Variants in DTX2 observed in about 807,000 individuals in gnomAD.
DTX2 encodes the protein deltex E3 ubiquitin ligase 2, also known as probable E3 ubiquitin-protein ligase DTX2.
In DTX2, 29 loss-of-function variants were observed where a neutral mutation model predicts 55.3. The observed-to-expected ratio is 0.52, with a 90% CI of 0.39 to 0.71. DTX2 has a LOEUF of 0.71. Ranked by LOEUF, DTX2 falls within the 30% of genes least tolerant of loss-of-function variation. The probability of loss-of-function intolerance (pLI) is 0.00; values close to 1 mark genes in which losing one functional copy is unlikely to be tolerated. For missense variants in DTX2, 537 were observed against 822.5 expected, an observed-to-expected ratio of 0.65 and a Z score of 4.25; for synonymous variants, 276 against 340.4, an observed-to-expected ratio of 0.81 and a Z score of 2.08.
At position 76,503,291 on chromosome 7, in the gene DTX2, G is replaced by A. The variant is rs190683513; in HGVS notation, c.1390-135G>A. The A allele has an allele frequency of 3.8e-3, 3,669 of 973,120 alleles. 73 individuals are homozygous for A. In the African/African-American group the frequency reaches 0.051, roughly 13 times the overall value. 60.3% of individuals were successfully genotyped at this position (973,120 alleles called of 1,614,324 possible). A position where few individuals can be genotyped will look rare whatever the true frequency, so the allele number is the denominator to read the frequency against. On this transcript the variant is annotated intron_variant, in intron 8 of 10. Coordinates refer to ENST00000430490, the MANE Select transcript of DTX2 (RefSeq NM_001102594.3). ...GGGAAGCTGTTGGAAGCCAGTTTCC[G>A]GGCAGGAGGCTGCCAGCAACTCCCT...
rs1811826420 is a variant in DTX2 at position 76,502,387 on chromosome 7, C to T, written c.1320C>T (p.Gly440=). 1 of 1,612,530 alleles carries T rather than the reference C, an allele frequency of 6.2e-7. No individual in the cohort carries two copies. Among genetic ancestry groups the T allele is most frequent in the Admixed American group, 1.7e-5 (1 of 59,962 alleles). Residue 440 remains glycine (G), a synonymous_variant, in exon 8 of 11, where the codon GGC becomes GGT. Coordinates refer to ENST00000430490, the MANE Select transcript of DTX2 (RefSeq NM_001102594.3). The part of the protein sequence containing the change: ...DSKAIGSLAV[G]HLTKCSHAFH... Reference sequence around the variant, plus strand: ...AGGCAATCGGGTCCCTAGCTGTGGGCCACCTCACCAAGTGCAGCCATGCCT... The same window carrying T: ...AGGCAATCGGGTCCCTAGCTGTGGGTCACCTCACCAAGTGCAGCCATGCCT...
intron 4 of DTX2, among the ~76,000 whole-genome samples, chr7:76,486,882 T>TGCTGCC (rs1322121298): frequency 1.5e-5 from 2 of 134,770 alleles, no homozygotes; most frequent in Non-Finnish European, 3.2e-5. Context: ...CTGCTGCTGC[T>TGCTGCC]GCTGCCCTTG....
At position 76,490,995 on chromosome 7, in the gene DTX2, C is replaced by CTTT. The variant is rs773754831; in HGVS notation, c.909-1141_909-1139dup. ...TCTAAACAGGTGCTATGAGAACCTGCTTTTTTTTTTTTTTTTTTTGAGACT... is the reference window on the plus strand; with the variant it reads ...TCTAAACAGGTGCTATGAGAACCTGCTTTTTTTTTTTTTTTTTTTTTTGAGACT... On this transcript the variant is annotated intron_variant, in intron 4 of 10. Transcript: ENST00000430490. Among the ~76,000 whole-genome samples, 102 of 63,370 alleles carry CTTT rather than the reference C, an allele frequency of 1.6e-3. 19 individuals are homozygous for CTTT. Among genetic ancestry groups the CTTT allele is most frequent in the Admixed American group, 3.8e-3 (19 of 4,942 alleles). The allele number at this position is 63,370 out of a possible 152,430, so 41.6% of individuals were successfully genotyped here.
chr7:76,486,852 T>G (rs867294153), intron 4 of DTX2, among the ~76,000 whole-genome samples: 63 of 71,952 alleles, frequency 8.8e-4, no homozygotes, highest in African/African-American at 3.0e-3. Context: ...GGTGGGCTGC[T>G]GCTGCTGCTG....
At chr7:76,501,633 A>G (rs1279748277) in intron 7 of DTX2, among the ~76,000 whole-genome samples, 3 of 149,976 alleles carry the variant, frequency 2.0e-5, no homozygotes, top group South Asian at 2.1e-4. Flanking sequence ...ACCCCCTGCC[A>G]GCTTTAGTGC....
At chr7:76,502,102 G>A (rs1584250823) in intron 7 of DTX2, 196 bp from the exon 8 acceptor site, 2 of 553,876 alleles carry the variant, frequency 3.6e-6, no homozygotes, top group Non-Finnish European at 6.4e-6. Context: ...GGCCAGGCTG[G>A]CCTCAAATTC....
At chr7:76,499,062 A>G (rs1178848426) in intron 6 of DTX2, among the ~76,000 whole-genome samples, 2 of 9,698 alleles carry the variant, frequency 2.1e-4, no homozygotes, top group Non-Finnish European at 1.7e-4. Flanking sequence ...GGGTGTGTGG[A>G]GCTGTGTGTG....
intron 3 of DTX2, among the ~76,000 whole-genome samples, chr7:76,481,820 T>G (rs1345606046): frequency 2.2e-5 from 3 of 137,498 alleles, no homozygotes; most frequent in East Asian, 2.1e-4. Context: ...TTTAGTTTTA[T>G]TTTTAAAAGT....
chr7:76,502,833 C>CCTG, intron 8 of DTX2: 2 of 277,448 alleles, frequency 7.2e-6, no homozygotes, highest in East Asian at 1.5e-4. Context: ...CAGCACAGTG[C>CCTG]TCATGAGGGA....
Position 76,502,447 on chromosome 7 carries a change from C to T in DTX2, c.1380C>T (p.Asn460=), listed in dbSNP as rs369195858. The T allele has an allele frequency of 1.6e-4, 252 of 1,611,742 alleles. 1 individual carries two copies. In the South Asian group the frequency reaches 1.8e-3, roughly 11 times the overall value. Residue 460 remains asparagine, a synonymous_variant, in exon 8 of 11, where the codon AAC becomes AAT. Transcript: ENST00000430490. ...HLLCLLAMYC[N]GNKDGSLQCP... Reference sequence around the variant, plus strand: ...TGTGCCTCCTGGCCATGTACTGCAACGGCAATAAGGTGCCCCCACTGGCCC... The same window carrying T: ...TGTGCCTCCTGGCCATGTACTGCAATGGCAATAAGGTGCCCCCACTGGCCC...
In DTX2 at chr7:76,480,735, A is replaced by T; in HGVS notation, c.226A>T (p.Ile76Phe). ...GQADPSLAPY[I>F]IDLPSWTQFR... is the part of the protein sequence containing the mutation. ...GGCAGACCCCTCGCTGGCCCCTTAC[A>T]TTATTGACCTCCCCAGCTGGACCCA... is the stretch of plus-strand genomic sequence containing the variant. The change falls in exon 3 of 11, where the codon ATT becomes TTT. Residue 76 changes from isoleucine to phenylalanine, a missense_variant. By Grantham distance (21) the Ile-to-Phe change is conservative (BLOSUM62 0). This residue lies in a region of DTX2 where 301 missense variants were observed against 396.6 expected (regional missense o/e 0.76). Transcript: ENST00000430490. 1.2e-6 allele frequency: 2 copies of T among 1,612,596 alleles called. No individual in the cohort carries two copies. Among genetic ancestry groups the T allele is most frequent in the Non-Finnish European group, 1.7e-6 (2 of 1,179,168 alleles).
chr7:76,499,402 C>T (rs1219188674), intron 6 of DTX2, among the ~76,000 whole-genome samples: 2 of 151,308 alleles, frequency 1.3e-5, no homozygotes, highest in South Asian at 4.2e-4. Flanking sequence ...AAACTGTCCC[C>T]TCCCTGGCCC....
chr7:76,501,371 G>A (rs1248173065), intron 7 of DTX2: 10 of 439,912 alleles, frequency 2.3e-5, no homozygotes, highest in East Asian at 7.0e-5. Context: ...CCACATTCCC[G>A]CCTGCCCAGC....
chr7:76,467,707 C>T lies in DTX2; in HGVS notation c.-90+3998C>T, dbSNP rs530264209. The stretch of plus-strand genomic sequence containing the variant: ...GAACATAACCCTTGCCTTTAAGGAG[C>T]GTATGCATTCTCCAGTGGAGGAGAC... On this transcript the variant is annotated intron_variant, in intron 2 of 10. Transcript: ENST00000430490. Among the ~76,000 whole-genome samples, 43 of 145,932 alleles carry T rather than the reference C, an allele frequency of 2.9e-4. No individual in the cohort carries two copies. The East Asian group carries it at 5.5e-3, about 19-fold the overall frequency.
rs370743551 is a variant in DTX2, at chr7:76,503,475, C to A, written c.1439C>A (p.Thr480Lys). 3 of 1,612,878 alleles carry A rather than the reference C, an allele frequency of 1.9e-6. No homozygotes were observed. The highest frequency in any genetic ancestry group is 2.5e-6 in the Non-Finnish European group (3 of 1,179,942). Residue 480 changes from threonine (T) to lysine (K), a missense_variant, in exon 9 of 11, where the codon ACG becomes AAG. Physicochemically the swap from Thr to Lys is moderately conservative, Grantham distance 78. Around this residue, in one of 7 missense-constraint regions of DTX2, gnomAD observed 121 missense variants for 136.8 expected, o/e 0.88. Transcript: ENST00000430490. ...TGCAAAACCATCTATGGAGAGAAGA[C>A]GGGGACCCAGCCCCAGGGAAAGATG... is the stretch of plus-strand genomic sequence containing the variant. ...PSCKTIYGEK[T>K]GTQPQGKMEV...
At position 76,505,574 on chromosome 7, in the gene DTX2, G is replaced by A. The variant is rs372298248; in HGVS notation, c.1842G>A (p.Val614=). ...NVLAELAAQG[V]TEDCLEQQ ...TGGCTGAGCTGGCTGCCCAGGGGGT[G>A]ACCGAGGACTGCCTGGAGCAGCAGT... Residue 614 remains valine, a synonymous_variant, in exon 11 of 11, where the codon GTG becomes GTA. Coordinates refer to ENST00000430490, the MANE Select transcript of DTX2 (RefSeq NM_001102594.3). The surrounding 1 kb of genome is among the most constrained non-coding windows in gnomAD (Gnocchi z 4.4). 6.3e-7 allele frequency: 1 copy of A among 1,588,204 alleles called. No homozygotes were observed.
chr7:76,491,326 G>C, intron 4 of DTX2, among the ~76,000 whole-genome samples: 1 of 132,630 alleles, frequency 7.5e-6, no homozygotes, highest in Non-Finnish European at 1.6e-5. Context: ...ACGGAGTCTT[G>C]CTCTGTTGTC....
intron 2 of DTX2, among the ~76,000 whole-genome samples, chr7:76,476,357 C>T (rs1478214001): frequency 1.5e-5 from 2 of 136,070 alleles, no homozygotes; most frequent in Non-Finnish European, 3.1e-5. Flanking sequence ...TCAAGGGGAA[C>T]GCAGTGGGCG....
At position 76,505,291 on chromosome 7, in the gene DTX2, A is replaced by G. The variant is rs1812215051; in HGVS notation, c.1642-83A>G. 5.9e-6 allele frequency: 7 copies of G among 1,187,506 alleles called. No individual in the cohort carries two copies. The highest frequency in any genetic ancestry group is 2.6e-5 in the East Asian group (1 of 39,010). 73.6% of individuals were successfully genotyped at this position (1,187,506 alleles called of 1,614,324 possible). Reference sequence around the variant, plus strand: ...TGGGAGGGGCTGGGATGGGAAGAACATGGTGCCAACCCGTGCCTGCTCACT... The same window carrying G: ...TGGGAGGGGCTGGGATGGGAAGAACGTGGTGCCAACCCGTGCCTGCTCACT... On this transcript the variant is annotated intron_variant, in intron 10 of 10. Transcript: ENST00000430490. This position sits in a 1 kb window ranked among gnomAD's most constrained non-coding sequence, Gnocchi z 4.4.
Sources: gnomAD v4.1 joint callset for allele counts (sites outside exome capture counted in the v4.1 genomes callset) on GRCh38, gnomAD v4.1.1 for gene constraint, gnomAD v4.1.1 regional missense constraint, Gnocchi (gnomAD v3.1) non-coding constraint, MANE v1.5 for transcripts, NCBI Gene and HGNC (gene_info 2026-07-23, HGNC 2026-07-21) for gene names.